The following THAP4 variants were observed in gnomAD, a reference collection of about 807,000 sequenced individuals.
THAP4 encodes THAP domain containing 4.
Under a neutral mutation model 48.1 loss-of-function variants are expected in THAP4, and 18 were observed. The observed-to-expected ratio is 0.37, with a 90% CI of 0.26 to 0.56. The LOEUF (loss-of-function observed/expected upper bound fraction) is 0.56, where lower values mean the gene tolerates loss of function less well. THAP4 is among the 20% of genes least tolerant of loss of function. The pLI is 0.78. For missense variants in THAP4, 656 were observed against 774.9 expected (o/e 0.85, Z 1.82); for synonymous variants, 345 against 324.9 (o/e 1.06, Z -0.66).
In THAP4 at chr2:241,586,794, TC is replaced by T. The variant is rs1328200343; in HGVS notation, c.1615-2070del. ...AATGGAAAATGATCAGTAGGAAATA[TC>T]CACATTGAAGCTTAGAGAATAATGG... On this transcript the variant is annotated intron_variant, in intron 5 of 5. Transcript: ENST00000407315. Among the ~76,000 whole-genome samples, 36 of 152,220 alleles carry T rather than the reference TC, an allele frequency of 2.4e-4. 1 individual carries two copies. The highest frequency in any genetic ancestry group is 8.2e-4 in the African/African-American group (34 of 41,526).
chr2:241,588,196 A>G (rs2066916003), intron 5 of THAP4, among the ~76,000 whole-genome samples: 1 of 152,190 alleles, frequency 6.6e-6, no homozygotes, highest in Non-Finnish European at 1.5e-5. Context: ...AATCATTTAT[A>G]ATAGCATCCC....
chr2:241,630,401 C>T (rs7583172), intron 2 of THAP4, among the ~76,000 whole-genome samples: 1 of 151,888 alleles, frequency 6.6e-6, no homozygotes, highest in Non-Finnish European at 1.5e-5. Context: ...CTCAGAGACA[C>T]GAAGGGCTGG....
chr2:241,632,500 CTCA>C (rs1465333329), intron 2 of THAP4, among the ~76,000 whole-genome samples: 2 of 152,196 alleles, frequency 1.3e-5, no homozygotes, highest in Non-Finnish European at 2.9e-5. Flanking sequence ...AAAGAACCTC[CTCA>C]TGATTTTAAC....
chr2:241,602,280 C>T (rs2067124411), intron 4 of THAP4: 1 of 476,228 alleles, frequency 2.1e-6, no homozygotes. Flanking sequence ...AGAACCACCC[C>T]TAGCACATAC....
In THAP4 at chr2:241,601,491, C is replaced by T. The variant is rs148862340; in HGVS notation, c.1614+405G>A. Among the ~76,000 whole-genome samples the T allele has an allele frequency of 7.0e-4, 106 of 152,188 alleles. 1 individual carries two copies. Among genetic ancestry groups the T allele is most frequent in the African/African-American group, 2.4e-3 (99 of 41,532 alleles). On this transcript the variant is annotated intron_variant, in intron 5 of 5. Coordinates refer to ENST00000407315, the MANE Select transcript of THAP4 (RefSeq NM_015963.6). The surrounding 1 kb of genome is among the most constrained non-coding windows in gnomAD (Gnocchi z 4.0). ...TTGTTAAGGAGTAGGGAACCAGCTG[C>T]CCTCATGCAAGAGATAGTGGGAGGA...
intron 5 of THAP4, among the ~76,000 whole-genome samples, chr2:241,589,212 C>CAAAAAAAA (rs765239066): frequency 9.0e-6 from 1 of 110,854 alleles, no homozygotes; most frequent in African/African-American, 3.7e-5. Context: ...AACAATGTCT[C>CAAAAAAAA]AAAAAAAAAA....
At chr2:241,600,636 G>A (rs1281371951) in intron 5 of THAP4, among the ~76,000 whole-genome samples, 4 of 149,528 alleles carry the variant, frequency 2.7e-5, no homozygotes, top group African/African-American at 2.5e-5. Flanking sequence ...GCTGAGGCAG[G>A]AGAATGGCGT....
chr2:241,585,816 GGCA>G, intron 5 of THAP4, among the ~76,000 whole-genome samples: 1 of 150,916 alleles, frequency 6.6e-6, no homozygotes, highest in Admixed American at 6.6e-5. Context: ...GGGAAGTTGA[GGCA>G]GCAGAATTGC....
chr2:241,607,711 C>A (rs557622823), intron 2 of THAP4, among the ~76,000 whole-genome samples: 19 of 128,564 alleles, frequency 1.5e-4, no homozygotes, highest in Non-Finnish European at 2.7e-4. Context: ...GACGGACTGA[C>A]GGGGACAGGA....
At chr2:241,602,790 A>G (rs1163580916) in intron 4 of THAP4, among the ~76,000 whole-genome samples, 180 bp downstream of exon 4, 1 of 152,238 alleles carries the variant, frequency 6.6e-6, no homozygotes, top group African/African-American at 2.4e-5. Flanking sequence ...GGAGGCCCCT[A>G]CAGCTACACA....
intron 2 of THAP4, among the ~76,000 whole-genome samples, chr2:241,629,625 C>T (rs1057104946): frequency 2.0e-5 from 3 of 151,744 alleles, no homozygotes; most frequent in Non-Finnish European, 4.4e-5. Flanking sequence ...TACAAAAAGA[C>T]TTTTGGATTG....
At chr2:241,597,718 T>C (rs2067066530) in intron 5 of THAP4, among the ~76,000 whole-genome samples, 1 of 152,142 alleles carries the variant, frequency 6.6e-6, no homozygotes, top group Non-Finnish European at 1.5e-5. Context: ...GCTTCCTCAG[T>C]CCTGCTGATG....
intron 4 of THAP4, 45 bp from the exon 5 acceptor site, chr2:241,602,044 G>GC: frequency 6.3e-7 from 1 of 1,584,972 alleles, no homozygotes. Flanking sequence ...TGCTCGGCTT[G>GC]CAGAGAGGCA....
chr2:241,624,036 G>C (rs907412079), intron 2 of THAP4, among the ~76,000 whole-genome samples: 8 of 152,178 alleles, frequency 5.3e-5, no homozygotes, highest in African/African-American at 1.9e-4. Flanking sequence ...ACGATGGCAA[G>C]TAGTGGGTCC....
intron 2 of THAP4, among the ~76,000 whole-genome samples, chr2:241,609,483 T>C (rs34640177): frequency 0.15 from 23,050 of 152,152 alleles, 1,927 homozygotes; most frequent in Middle Eastern, 0.27. Flanking sequence ...AGCTCAGCAC[T>C]GAAAAGAAAG....
intron 4 of THAP4, 66 bp from the exon 5 acceptor site, chr2:241,602,065 T>G (rs2067121587): frequency 4.6e-6 from 7 of 1,528,512 alleles, no homozygotes; most frequent in South Asian, 3.6e-5. Context: ...GCCTTGACTC[T>G]CCTTGCCTGC....
intron 2 of THAP4, among the ~76,000 whole-genome samples, chr2:241,630,576 C>T (rs1243038732): frequency 6.6e-6 from 1 of 152,068 alleles, no homozygotes; most frequent in African/African-American, 2.4e-5. Context: ...GTCGGGAGTT[C>T]GAGACCAGCC....
At chr2:241,605,418 A>C (rs866873678) in intron 3 of THAP4, among the ~76,000 whole-genome samples, 21 of 152,206 alleles carry the variant, frequency 1.4e-4, no homozygotes, top group African/African-American at 4.6e-4. Flanking sequence ...CTTTAAAAAA[A>C]CTGTGTATTA....
chr2:241,620,905 G>A (rs1002168501), intron 2 of THAP4, among the ~76,000 whole-genome samples: 11 of 151,940 alleles, frequency 7.2e-5, no homozygotes, highest in South Asian at 4.1e-4. Flanking sequence ...TGTAGCACAC[G>A]GCTGGATCTG....
Sources: allele counts gnomAD v4.1 joint callset (sites outside exome capture counted in the v4.1 genomes callset), GRCh38; gene constraint gnomAD v4.1.1; non-coding constraint Gnocchi (gnomAD v3.1); transcripts MANE v1.5; gene names NCBI Gene and HGNC (gene_info 2026-07-23, HGNC 2026-07-21).